The following PRKCH variants were observed in gnomAD, a reference collection of about 807,000 sequenced individuals.
PRKCH encodes the protein protein kinase C eta, also known as protein kinase C eta type.
A neutral mutation model predicts 82.5 loss-of-function variants in PRKCH; 28 were observed. The ratio of observed to expected loss-of-function variants is 0.34; its 90% CI spans 0.25 to 0.47. PRKCH has a LOEUF of 0.47. Among genes scored for constraint, PRKCH ranks in the 20% least tolerant of loss-of-function variants. The pLI is 1.00. For missense variants in PRKCH, 705 were observed against 881.8 expected (o/e 0.80, Z 2.54); for synonymous variants, 322 against 327.4 (o/e 0.98, Z 0.18).
intron 6 of PRKCH, among the ~76,000 whole-genome samples, chr14:61,452,038 C>T (rs528670857): frequency 1.3e-5 from 2 of 152,312 alleles, no homozygotes; most frequent in East Asian, 3.9e-4. Flanking sequence ...AGTGGGAAAT[C>T]CCTTTCTGCC....
At chr14:61,462,124 G>A (rs1486760199) in intron 9 of PRKCH, among the ~76,000 whole-genome samples, 2 of 152,212 alleles carry the variant, frequency 1.3e-5, no homozygotes, top group African/African-American at 4.8e-5. Context: ...AAAGAAGCAA[G>A]TGAGGCTGGG....
intron 1 of PRKCH, among the ~76,000 whole-genome samples, chr14:61,208,840 G>A (rs953670441): frequency 1.3e-5 from 2 of 152,114 alleles, no homozygotes; most frequent in Non-Finnish European, 2.9e-5. Context: ...TTCACTTGTT[G>A]AAGACCTAAC....
intron 1 of PRKCH, chr14:61,279,868 G>C (rs895580144): frequency 8.9e-6 from 5 of 560,876 alleles, no homozygotes; most frequent in Non-Finnish European, 1.3e-5. Flanking sequence ...GGTGGGAAGA[G>C]TTTGCAAGGA....
rs143829805 is a variant in PRKCH at position 61,338,539 on chromosome 14, T to C, written c.363+16075T>C. 4.4e-4 allele frequency among the ~76,000 whole-genome samples: 67 copies of C among 152,214 alleles called. No homozygotes were observed. The Middle Eastern group carries it at 0.01, about 23-fold the overall frequency. On this transcript the variant is annotated intron_variant, in intron 1 of 13. Transcript: ENST00000332981. Reference sequence around the variant, plus strand: ...TAACTTTTGTTTGGGTGGTAAGAGATGGATTTCAAAATGGGAAAAAGCGAG... The same window carrying C: ...TAACTTTTGTTTGGGTGGTAAGAGACGGATTTCAAAATGGGAAAAAGCGAG...
At position 61,334,782 on chromosome 14, in the gene PRKCH, A is replaced by G. The variant is rs184405896; in HGVS notation, c.363+12318A>G. Reference sequence around the variant, plus strand: ...TTGCTACCTTATAGGCTTGGTGTGAAGATTAGATGAACTACATTAAACATG... The same window carrying G: ...TTGCTACCTTATAGGCTTGGTGTGAGGATTAGATGAACTACATTAAACATG... On this transcript the variant is annotated intron_variant, in intron 1 of 13. Transcript: ENST00000332981. Among the ~76,000 whole-genome samples the G allele has an allele frequency of 2.7e-4, 41 of 152,276 alleles. No individual in the cohort carries two copies. The East Asian group carries it at 6.9e-3, about 26-fold the overall frequency.
intron 1 of PRKCH, among the ~76,000 whole-genome samples, chr14:61,210,161 T>A (rs12588683): frequency 0.094 from 8,838 of 93,606 alleles, 573 homozygotes; most frequent in Non-Finnish European, 0.13. Flanking sequence ...TATATATATA[T>A]AAATTAGCTT....
intron 9 of PRKCH, among the ~76,000 whole-genome samples, chr14:61,467,128 A>G (rs1250862510): frequency 1.3e-5 from 2 of 152,198 alleles, no homozygotes; most frequent in African/African-American, 4.8e-5. Flanking sequence ...CAAGGTAGTC[A>G]TGTGGCCCTG....
In PRKCH at chr14:61,280,309, C is replaced by T; in HGVS notation, c.-19+92641C>T. On this transcript the variant is annotated intron_variant, in intron 1 of 3. Coordinates refer to the PRKCH transcript ENST00000555185. The surrounding 1 kb of genome is among the most constrained non-coding windows in gnomAD (Gnocchi z 5.0). ...GGTGATGTTGACGCGGTAGGCGCCC[C>T]GCGGCAGCCCGGCCGAGTAGTTGCC... 1 of 1,613,884 alleles carries T rather than the reference C, an allele frequency of 6.2e-7. No homozygotes were observed. Among genetic ancestry groups the T allele is most frequent in the Non-Finnish European group, 8.5e-7 (1 of 1,179,980 alleles).
chr14:61,468,071 T>G lies in PRKCH; in HGVS notation c.1278+10392T>G, dbSNP rs549180291. Among the ~76,000 whole-genome samples the G allele has an allele frequency of 7.9e-5, 12 of 152,356 alleles. No individual in the cohort carries two copies. In the South Asian group the frequency reaches 2.5e-3, roughly 32 times the overall value. ...GTTTTGAGTCTCTAATATGTACAAC[T>G]GAGAATACTGTCATTAGACGGGAAT... On this transcript the variant is annotated intron_variant, in intron 9 of 13. Transcript: ENST00000332981.
At chr14:61,420,425 C>T (rs1447570405) in intron 2 of PRKCH, among the ~76,000 whole-genome samples, 1 of 152,140 alleles carries the variant, frequency 6.6e-6, no homozygotes. Context: ...AAGAACAATA[C>T]CACTATGTGA....
intron 1 of PRKCH, among the ~76,000 whole-genome samples, chr14:61,352,641 AAAG>A (rs2046093136): frequency 2.8e-5 from 4 of 143,932 alleles, no homozygotes; most frequent in African/African-American, 1.1e-4. Context: ...CTCCATCTCA[AAAG>A]AAAGAAAGAA....
At chr14:61,261,735 A>T (rs1038260265) in intron 1 of PRKCH, among the ~76,000 whole-genome samples, 2 of 151,990 alleles carry the variant, frequency 1.3e-5, no homozygotes, top group African/African-American at 4.8e-5. Flanking sequence ...CATGGACCTG[A>T]CACAAAAGGA....
chr14:61,355,881 G>A (rs1166347254), intron 1 of PRKCH, among the ~76,000 whole-genome samples: 1 of 152,200 alleles, frequency 6.6e-6, no homozygotes, highest in Non-Finnish European at 1.5e-5. Flanking sequence ...TTGCAAGAGA[G>A]GCAGCAACGT....
chr14:61,255,903 C>T (rs2044993742), intron 1 of PRKCH, among the ~76,000 whole-genome samples: 1 of 152,040 alleles, frequency 6.6e-6, no homozygotes, highest in Non-Finnish European at 1.5e-5. Flanking sequence ...TGGTTTAAGG[C>T]AGTCTTATCT....
chr14:61,529,244 A>G (rs753202222), intron 11 of PRKCH, 31 bp downstream of exon 11: 23 of 1,583,002 alleles, frequency 1.5e-5, no homozygotes, highest in Admixed American at 3.5e-5. Context: ...CAGCTCTGAA[A>G]TCTGAGCTCT....
chr14:61,341,443 C>A (rs2045928896), intron 1 of PRKCH, among the ~76,000 whole-genome samples: 2 of 152,130 alleles, frequency 1.3e-5, no homozygotes, highest in African/African-American at 4.8e-5. Context: ...CATAAACAGG[C>A]CTGAGCATGC....
intron 13 of PRKCH, 75 bp downstream of exon 13, chr14:61,547,961 G>A (rs988969879): frequency 9.6e-5 from 150 of 1,558,938 alleles, no homozygotes; most frequent in Admixed American, 1.2e-4. Context: ...CCGTAGAAGA[G>A]CTGGATGGCC....
chr14:61,248,544 G>A (rs776702830), intron 1 of PRKCH, among the ~76,000 whole-genome samples: 2 of 152,090 alleles, frequency 1.3e-5, no homozygotes, highest in Non-Finnish European at 2.9e-5. Context: ...CATCTGAGGG[G>A]GCCTGAACAA....
At chr14:61,288,331 G>A (rs1458846805) in intron 1 of PRKCH, among the ~76,000 whole-genome samples, 1 of 152,154 alleles carries the variant, frequency 6.6e-6, no homozygotes. Context: ...CTGAACTCAA[G>A]CGATCCTCCT....
Sources: gnomAD v4.1 joint callset for allele counts (sites outside exome capture counted in the v4.1 genomes callset) on GRCh38, gnomAD v4.1.1 for gene constraint, Gnocchi (gnomAD v3.1) non-coding constraint, MANE v1.5 for transcripts, NCBI Gene and HGNC (gene_info 2026-07-23, HGNC 2026-07-21) for gene names.